NR3C2: variants seen among roughly 807,000 people sequenced by gnomAD.
NR3C2 encodes the protein mineralocorticoid receptor.
In NR3C2, 15 loss-of-function variants were observed where a neutral mutation model predicts 86.4. That is an observed-to-expected ratio of 0.17 (90% CI 0.12 to 0.27). The LOEUF (loss-of-function observed/expected upper bound fraction) is 0.27. Ranked by LOEUF, NR3C2 falls within the 10% of genes least tolerant of loss-of-function variation. NR3C2 has a pLI of 1.00. For missense variants in NR3C2, 960 were observed against 1,195.6 expected (o/e 0.80, Z 2.91); for synonymous variants, 458 against 450.5 (o/e 1.02, Z -0.21).
chr4:148,269,917 T>C (rs936449085), intron 2 of NR3C2, among the ~76,000 whole-genome samples: 1 of 152,224 alleles, frequency 6.6e-6, no homozygotes, highest in Admixed American at 6.5e-5. Context: ...TGTACACATG[T>C]GTATGTGACA....
At chr4:148,187,660 G>T (rs776856855) in intron 4 of NR3C2, among the ~76,000 whole-genome samples, 21 of 151,926 alleles carry the variant, frequency 1.4e-4, no homozygotes, top group Non-Finnish European at 2.8e-4. Flanking sequence ...TTACTCTGCT[G>T]ACTCTCTTGT....
rs6823228 is a variant in NR3C2 at position 148,099,306 on chromosome 4, G to A, written c.2799+14798C>T. Reference sequence around the variant, plus strand: ...CCACACCCCCATGACACTTGGCCCTGGAGATGCCCACTTTATGGATAAGCC... The same window carrying A: ...CCACACCCCCATGACACTTGGCCCTAGAGATGCCCACTTTATGGATAAGCC... On this transcript the variant is annotated intron_variant, in intron 8 of 8. Coordinates refer to ENST00000358102, the MANE Select transcript of NR3C2 (RefSeq NM_000901.5). 2.2e-3 allele frequency among the ~76,000 whole-genome samples: 334 copies of A among 152,270 alleles called. 1 individual carries two copies. Among genetic ancestry groups the A allele is most frequent in the African/African-American group, 6.5e-3 (272 of 41,546 alleles).
upstream of NR3C2, chr4:148,444,128 C>T: frequency 2.0e-6 from 2 of 985,368 alleles, no homozygotes; most frequent in Non-Finnish European, 2.4e-6. Flanking sequence ...GGGCGGCGGG[C>T]GGGAGCAAGG....
chr4:148,304,327 G>GC (rs1742495538), intron 2 of NR3C2, among the ~76,000 whole-genome samples: 1 of 66,074 alleles, frequency 1.5e-5, no homozygotes, highest in Non-Finnish European at 3.1e-5. Context: ...AGTTGTTGTT[G>GC]CTTTTTTTTT....
At chr4:148,281,414 A>G (rs1367442854) in intron 2 of NR3C2, among the ~76,000 whole-genome samples, 1 of 152,264 alleles carries the variant, frequency 6.6e-6, no homozygotes, top group Non-Finnish European at 1.5e-5. Flanking sequence ...CGTCCTTTCA[A>G]TGAAAAACAA....
At chr4:148,222,115 A>C (rs1036234465) in intron 3 of NR3C2, among the ~76,000 whole-genome samples, 3 of 152,174 alleles carry the variant, frequency 2.0e-5, no homozygotes, top group Admixed American at 6.6e-5. Context: ...ACACCAAAGC[A>C]AATTCACTGA....
At chr4:148,233,897 C>T (rs879323077) in intron 3 of NR3C2, among the ~76,000 whole-genome samples, 1 of 152,050 alleles carries the variant, frequency 6.6e-6, no homozygotes, top group Non-Finnish European at 1.5e-5. Flanking sequence ...TAAAATGTGA[C>T]ACAGAGACAT....
chr4:148,336,444 T>C (rs1050203387), intron 2 of NR3C2, among the ~76,000 whole-genome samples: 5 of 152,086 alleles, frequency 3.3e-5, no homozygotes, highest in African/African-American at 1.2e-4. Flanking sequence ...TTCAGCTAAA[T>C]TGGTATGATT....
At chr4:148,133,330 CAG>C (rs1196494083) in intron 6 of NR3C2, among the ~76,000 whole-genome samples, 1 of 151,850 alleles carries the variant, frequency 6.6e-6, no homozygotes, top group Non-Finnish European at 1.5e-5. Flanking sequence ...GATGGTTAAA[CAG>C]AAGACAGAAA....
intron 2 of NR3C2, among the ~76,000 whole-genome samples, chr4:148,319,252 T>A (rs952096439): frequency 6.6e-6 from 1 of 152,184 alleles, no homozygotes; most frequent in Non-Finnish European, 1.5e-5. Flanking sequence ...GTTTTGGTAC[T>A]AGTACCATGC....
At chr4:148,133,741 T>G (rs538431654) in intron 6 of NR3C2, among the ~76,000 whole-genome samples, 1 of 152,314 alleles carries the variant, frequency 6.6e-6, no homozygotes, top group Admixed American at 6.5e-5. Flanking sequence ...TGATAAAATC[T>G]GGGTGCACAA....
intron 2 of NR3C2, among the ~76,000 whole-genome samples, chr4:148,278,729 C>T (rs971440207): frequency 2.1e-4 from 32 of 152,050 alleles, no homozygotes; most frequent in Admixed American, 1.5e-3. Flanking sequence ...TGGTGACAAA[C>T]GTACTAGATT....
chr4:148,319,910 C>G (rs984680067), intron 2 of NR3C2, among the ~76,000 whole-genome samples: 5 of 142,500 alleles, frequency 3.5e-5, no homozygotes, highest in African/African-American at 8.1e-5. Flanking sequence ...ACTTCCAACA[C>G]TATGTTGAAT....
At chr4:148,423,357 C>A (rs1749374449) in intron 2 of NR3C2, among the ~76,000 whole-genome samples, 1 of 152,186 alleles carries the variant, frequency 6.6e-6, no homozygotes, top group Non-Finnish European at 1.5e-5. Context: ...TTTGTCCTGC[C>A]TAGCACTTGA....
At chr4:148,353,533 G>T (rs1314405691) in intron 2 of NR3C2, among the ~76,000 whole-genome samples, 1 of 151,990 alleles carries the variant, frequency 6.6e-6, no homozygotes. Context: ...GTTACTAAAG[G>T]CTTACACAAA....
intron 2 of NR3C2, among the ~76,000 whole-genome samples, chr4:148,370,621 T>C (rs1431970478): frequency 6.6e-6 from 1 of 152,110 alleles, no homozygotes; most frequent in Non-Finnish European, 1.5e-5. Context: ...TTGGAGTTTC[T>C]CCAACTATGA....
chr4:148,103,006 C>T (rs777556365), intron 8 of NR3C2, among the ~76,000 whole-genome samples: 31 of 152,316 alleles, frequency 2.0e-4, no homozygotes, highest in Admixed American at 4.6e-4. Flanking sequence ...TCTCTCCATT[C>T]GTCCCATGGC....
chr4:148,377,635 A>G (rs1746744967), intron 2 of NR3C2, among the ~76,000 whole-genome samples: 2 of 152,232 alleles, frequency 1.3e-5, no homozygotes, highest in Admixed American at 6.5e-5. Context: ...AACAATCATC[A>G]TAACAGCAGG....
intron 2 of NR3C2, among the ~76,000 whole-genome samples, chr4:148,363,890 G>A (rs61762827): frequency 0.021 from 3,215 of 152,210 alleles, 50 homozygotes; most frequent in African/African-American, 0.039. Context: ...TCAGTCTCTC[G>A]TGTCAATGGA....
Sources: allele counts gnomAD v4.1 joint callset (sites outside exome capture counted in the v4.1 genomes callset), GRCh38; gene constraint gnomAD v4.1.1; transcripts MANE v1.5; gene names NCBI Gene and HGNC (gene_info 2026-07-23, HGNC 2026-07-21).